CNTNAP2: variants seen among roughly 807,000 people sequenced by gnomAD.
CNTNAP2 encodes contactin-associated protein-like 2.
A neutral mutation model predicts 155.2 loss-of-function variants in CNTNAP2; 98 were observed. The ratio of observed to expected loss-of-function variants is 0.63; its 90% CI spans 0.54 to 0.75. The LOEUF is 0.75. CNTNAP2 is among the 30% of genes least tolerant of loss of function. The probability of loss-of-function intolerance (pLI) is 0.00; values close to 1 mark genes in which losing one functional copy is unlikely to be tolerated. For missense variants in CNTNAP2, 1,727 were observed against 1,688.1 expected, an observed-to-expected ratio of 1.02 and a Z score of -0.40; for synonymous variants, 651 against 631.2, an observed-to-expected ratio of 1.03 and a Z score of -0.47.
intron 1 of CNTNAP2, among the ~76,000 whole-genome samples, chr7:146,426,211 T>C (rs74410414): frequency 1.1e-5 from 1 of 89,738 alleles, no homozygotes; most frequent in Non-Finnish European, 2.2e-5. Flanking sequence ...AAAAAAAAAA[T>C]TAAAACTTAA....
intron 21 of CNTNAP2, among the ~76,000 whole-genome samples, chr7:148,333,393 G>C (rs1030276749): frequency 6.6e-6 from 1 of 151,938 alleles, no homozygotes; most frequent in Non-Finnish European, 1.5e-5. Flanking sequence ...GCGCGACTGT[G>C]CTCCATCCTG....
At chr7:146,457,026 A>G (rs1018972157) in intron 1 of CNTNAP2, among the ~76,000 whole-genome samples, 1 of 152,168 alleles carries the variant, frequency 6.6e-6, no homozygotes, top group Non-Finnish European at 1.5e-5. Flanking sequence ...ACTGCATTGC[A>G]TAACACCTTG....
chr7:146,858,560 G>A (rs760404050), intron 3 of CNTNAP2, among the ~76,000 whole-genome samples: 4 of 152,162 alleles, frequency 2.6e-5, no homozygotes, highest in Non-Finnish European at 5.9e-5. Context: ...CAGACATGGT[G>A]GCATATGCCT....
chr7:147,657,982 C>T (rs1228080176), intron 13 of CNTNAP2, among the ~76,000 whole-genome samples: 2 of 118,142 alleles, frequency 1.7e-5, no homozygotes, highest in Admixed American at 2.2e-4. Context: ...CCTGGCCGGG[C>T]GCGGTGGCTC....
chr7:146,504,008 C>T lies in CNTNAP2; in HGVS notation c.98-270263C>T, dbSNP rs146023684. 9.6e-3 allele frequency among the ~76,000 whole-genome samples: 1,465 copies of T among 152,334 alleles called. 11 individuals carry two copies. Among genetic ancestry groups the T allele is most frequent in the Non-Finnish European group, 0.014 (948 of 68,036 alleles). Reference sequence around the variant, plus strand: ...TGGCTCAAAGCCAGATACGAGCTCACACAAACAGGTTACATTAAATGGCTA... The same window carrying T: ...TGGCTCAAAGCCAGATACGAGCTCATACAAACAGGTTACATTAAATGGCTA... On this transcript the variant is annotated intron_variant, in intron 1 of 23. Coordinates refer to ENST00000361727, the MANE Select transcript of CNTNAP2 (RefSeq NM_014141.6).
At chr7:147,603,077 G>A (rs1227307018) in intron 12 of CNTNAP2, among the ~76,000 whole-genome samples, 1 of 151,616 alleles carries the variant, frequency 6.6e-6, no homozygotes, top group African/African-American at 2.4e-5. Context: ...TTCCACAATG[G>A]TTGAACTAGT....
At chr7:148,335,096 T>C (rs915766431) in intron 21 of CNTNAP2, among the ~76,000 whole-genome samples, 58 of 152,282 alleles carry the variant, frequency 3.8e-4, no homozygotes, top group African/African-American at 1.3e-3. Flanking sequence ...AGCTGATTTG[T>C]ATTCTGCCAA....
chr7:146,920,271 G>A (rs562870191), intron 3 of CNTNAP2, among the ~76,000 whole-genome samples: 7 of 151,930 alleles, frequency 4.6e-5, no homozygotes, highest in African/African-American at 1.2e-4. Flanking sequence ...AAAATTAGTC[G>A]ATCATGGTGG....
intron 14 of CNTNAP2, among the ~76,000 whole-genome samples, chr7:147,929,092 CAAAAAAAA>C (rs66584239): frequency 3.4e-3 from 117 of 34,624 alleles, no homozygotes; most frequent in African/African-American, 9.1e-3. Flanking sequence ...AACTCCATCC[CAAAAAAAA>C]AAAAAAAAAA....
chr7:147,170,132 T>A (rs956237378), intron 8 of CNTNAP2, among the ~76,000 whole-genome samples: 2 of 152,116 alleles, frequency 1.3e-5, no homozygotes, highest in Non-Finnish European at 2.9e-5. Context: ...TTTCTGGACA[T>A]TTTCAGAAGG....
chr7:148,029,695 C>T (rs920598653), intron 15 of CNTNAP2, among the ~76,000 whole-genome samples: 34 of 152,140 alleles, frequency 2.2e-4, no homozygotes, highest in Non-Finnish European at 7.4e-5. Context: ...TACCTTGACT[C>T]GATGGTAGTC....
intron 14 of CNTNAP2, among the ~76,000 whole-genome samples, chr7:147,948,354 G>A (rs1240595203): frequency 6.6e-6 from 1 of 151,650 alleles, no homozygotes; most frequent in Non-Finnish European, 1.5e-5. Flanking sequence ...TTGAGGGGAT[G>A]GATTCCCCAT....
At chr7:146,561,109 C>G (rs189451966) in intron 1 of CNTNAP2, among the ~76,000 whole-genome samples, 1 of 152,148 alleles carries the variant, frequency 6.6e-6, no homozygotes, top group Non-Finnish European at 1.5e-5. Context: ...TGCCCATCAT[C>G]GTCCAGGTTG....
chr7:147,295,476 G>T (rs1584853029), intron 8 of CNTNAP2, among the ~76,000 whole-genome samples: 1 of 152,126 alleles, frequency 6.6e-6, no homozygotes, highest in East Asian at 1.9e-4. Context: ...GGTAGACTCA[G>T]TCCTTCCCTA....
At chr7:148,288,780 T>C (rs1013829349) in intron 21 of CNTNAP2, among the ~76,000 whole-genome samples, 4 of 152,082 alleles carry the variant, frequency 2.6e-5, no homozygotes, top group Admixed American at 6.5e-5. Flanking sequence ...CCAAGACTTT[T>C]ATGGTACAGA....
chr7:146,595,106 C>T (rs1798840903), intron 1 of CNTNAP2, among the ~76,000 whole-genome samples: 1 of 152,014 alleles, frequency 6.6e-6, no homozygotes, highest in Admixed American at 6.6e-5. Context: ...TGTGGGTTGG[C>T]TCCAGCACAT....
At chr7:146,179,387 T>C (rs12703779) in intron 1 of CNTNAP2, among the ~76,000 whole-genome samples, 45,858 of 151,684 alleles carry the variant, frequency 0.3, 8,040 homozygotes, top group African/African-American at 0.49. Flanking sequence ...TGATATTTTT[T>C]GATATCAAAG....
intron 9 of CNTNAP2, among the ~76,000 whole-genome samples, chr7:147,341,290 C>T (rs1398569198): frequency 3.3e-5 from 5 of 151,576 alleles, no homozygotes; most frequent in Non-Finnish European, 7.4e-5. Context: ...GCCTGTCGGT[C>T]GGTGGAGGGC....
At chr7:147,072,536 AG>A (rs1235329411) in intron 4 of CNTNAP2, among the ~76,000 whole-genome samples, 2 of 152,158 alleles carry the variant, frequency 1.3e-5, no homozygotes, top group Non-Finnish European at 2.9e-5. Flanking sequence ...CTGCAGTGCC[AG>A]GGTGAGACCT....
Sources: allele counts gnomAD v4.1 joint callset (sites outside exome capture counted in the v4.1 genomes callset), GRCh38; gene constraint gnomAD v4.1.1; transcripts MANE v1.5; gene names NCBI Gene and HGNC (gene_info 2026-07-23, HGNC 2026-07-21).